ADGRA3: variants seen among roughly 807,000 people sequenced by gnomAD.
ADGRA3 encodes the protein adhesion G protein-coupled receptor A3.
A neutral mutation model predicts 119.8 loss-of-function variants in ADGRA3; 56 were observed. The observed-to-expected ratio is 0.47, with a 90% confidence interval of 0.38 to 0.58. The LOEUF is 0.58. Among genes scored for constraint, ADGRA3 ranks in the 20% least tolerant of loss-of-function variants. The pLI is 0.00. For synonymous variants in ADGRA3, 607 were observed against 623.8 expected (o/e 0.97, Z 0.40); for missense variants, 1,516 against 1,649.0 (o/e 0.92, Z 1.40).
At chr4:22,406,313 A>T (rs554126449) in intron 14 of ADGRA3, among the ~76,000 whole-genome samples, 1 of 152,224 alleles carries the variant, frequency 6.6e-6, no homozygotes, top group South Asian at 2.1e-4. Context: ...CAATATACTG[A>T]TTTCCTTTCT....
At chr4:22,480,535 A>T (rs1371248809) in intron 1 of ADGRA3, among the ~76,000 whole-genome samples, 1 of 152,038 alleles carries the variant, frequency 6.6e-6, no homozygotes, top group Non-Finnish European at 1.5e-5. Context: ...AAACAAAAAA[A>T]ATCAAAACAA....
At chr4:22,483,228 C>G (rs1306881877) in intron 1 of ADGRA3, among the ~76,000 whole-genome samples, 4 of 152,166 alleles carry the variant, frequency 2.6e-5, no homozygotes, top group Admixed American at 6.5e-5. Context: ...ACATCTTTAA[C>G]TCCTAGCTCC....
intron 1 of ADGRA3, among the ~76,000 whole-genome samples, chr4:22,489,338 T>A (rs2109146129): frequency 6.6e-6 from 1 of 152,228 alleles, no homozygotes; most frequent in South Asian, 2.1e-4. Flanking sequence ...AAAGATGAGA[T>A]TTCGGTGGGA....
rs2109091909 is a variant in ADGRA3 at position 22,454,765 on chromosome 4, T to C, written c.473+101A>G. ...TGTCCCCTATGGCTTCTATAACCCC[T>C]ACAGTTGCTACTTATAATTAAATAC... On this transcript the variant is annotated intron_variant, in intron 4 of 18. Coordinates refer to ENST00000334304, the MANE Select transcript of ADGRA3 (RefSeq NM_145290.4). 3 of 847,330 alleles carry C rather than the reference T, an allele frequency of 3.5e-6. No homozygotes were observed. In the East Asian group the frequency reaches 7.8e-5, roughly 22 times the overall value. 52.5% of individuals were successfully genotyped at this position (847,330 alleles called of 1,614,324 possible).
At chr4:22,407,595 G>GT (rs1343003447) in intron 14 of ADGRA3, among the ~76,000 whole-genome samples, 1 of 152,118 alleles carries the variant, frequency 6.6e-6, no homozygotes, top group African/African-American at 2.4e-5. Flanking sequence ...AGTAATCTTA[G>GT]TTCCTCTTCT....
chr4:22,498,838 C>T (rs966966364), intron 1 of ADGRA3, among the ~76,000 whole-genome samples: 11 of 151,824 alleles, frequency 7.2e-5, no homozygotes, highest in African/African-American at 1.9e-4. Context: ...TGCTTGAACC[C>T]GGCAGGTAGA....
At chr4:22,510,227 C>T (rs2109187423) in intron 1 of ADGRA3, among the ~76,000 whole-genome samples, 1 of 152,162 alleles carries the variant, frequency 6.6e-6, no homozygotes, top group East Asian at 1.9e-4. Context: ...TGCTCCCATC[C>T]CACTTCTCTT....
chr4:22,467,059 C>A (rs1717684627), intron 2 of ADGRA3, among the ~76,000 whole-genome samples: 1 of 152,164 alleles, frequency 6.6e-6, no homozygotes, highest in Admixed American at 6.5e-5. Context: ...ATTTCCATTT[C>A]TCCATAAAAG....
intron 7 of ADGRA3, among the ~76,000 whole-genome samples, 179 bp from the exon 8 acceptor site, chr4:22,438,599 C>CA (rs370164098): frequency 6.6e-6 from 1 of 151,608 alleles, no homozygotes; most frequent in African/African-American, 2.4e-5. Context: ...AATCTCAAGG[C>CA]AAAAAAGGAA....
chr4:22,389,496 TCTTA>T (rs1714018425), intron 17 of ADGRA3, among the ~76,000 whole-genome samples: 2 of 150,094 alleles, frequency 1.3e-5, no homozygotes, highest in Admixed American at 6.6e-5. Flanking sequence ...GCTTACTTAC[TCTTA>T]CTTTTTTTTT....
At chr4:22,390,151 T>A (rs973403254) in intron 17 of ADGRA3, among the ~76,000 whole-genome samples, 2 of 151,790 alleles carry the variant, frequency 1.3e-5, no homozygotes, top group African/African-American at 4.8e-5. Flanking sequence ...CTAATTCACA[T>A]CTGCTTCTTA....
At chr4:22,506,275 G>A (rs13135791) in intron 1 of ADGRA3, among the ~76,000 whole-genome samples, 65,795 of 152,010 alleles carry the variant, frequency 0.43, 15,270 homozygotes, top group East Asian at 0.61. Flanking sequence ...AAATAAGGCC[G>A]GGCACAGTGG....
intron 10 of ADGRA3, among the ~76,000 whole-genome samples, chr4:22,434,624 A>G (rs1425678985): frequency 6.6e-6 from 1 of 152,240 alleles, no homozygotes; most frequent in Non-Finnish European, 1.5e-5. Flanking sequence ...GTTCTCACGA[A>G]GCTTTAAACG....
At chr4:22,411,817 T>C (rs1258775547) in intron 14 of ADGRA3, among the ~76,000 whole-genome samples, 1 of 152,138 alleles carries the variant, frequency 6.6e-6, no homozygotes, top group African/African-American at 2.4e-5. Flanking sequence ...TGTTTAAATA[T>C]GTTGCTTGCA....
chr4:22,486,242 AG>A, intron 1 of ADGRA3, among the ~76,000 whole-genome samples: 1 of 152,136 alleles, frequency 6.6e-6, no homozygotes, highest in Non-Finnish European at 1.5e-5. Context: ...AAAGGAAAGG[AG>A]AAAAAGTAAA....
intron 7 of ADGRA3, among the ~76,000 whole-genome samples, chr4:22,439,629 T>A (rs1307892446): frequency 6.6e-6 from 1 of 152,196 alleles, no homozygotes; most frequent in East Asian, 1.9e-4. Context: ...AAAGAAAATG[T>A]TGTCTTTACT....
intron 16 of ADGRA3, chr4:22,394,966 T>C (rs1037370289): frequency 8.5e-5 from 13 of 152,200 alleles, no homozygotes; most frequent in Admixed American, 2.6e-4. Flanking sequence ...TTTAATCTTT[T>C]GGAATGTAGT....
In ADGRA3 at chr4:22,420,967, C is replaced by T; in HGVS notation, c.1728G>A (p.Arg576=). 6.2e-7 allele frequency: 1 copy of T among 1,614,080 alleles called. No individual in the cohort carries two copies. The highest frequency in any genetic ancestry group is 8.5e-7 in the Non-Finnish European group (1 of 1,179,986). Residue 576 remains arginine, a synonymous_variant, in exon 12 of 19, where the codon AGG becomes AGA. Coordinates refer to ENST00000334304, the MANE Select transcript of ADGRA3 (RefSeq NM_145290.4). ...SDRTGLSDYG[R]RDPEGNLDKQ... ...TATCCAGGTTTCCCTCTGGATCCCG[C>T]CTCCCATAATCCGAAAGTCCTGTAC... is the stretch of plus-strand genomic sequence containing the variant.
At position 22,454,372 on chromosome 4, in the gene ADGRA3, A is replaced by G. The variant is rs368479307; in HGVS notation, c.473+494T>C. Among the ~76,000 whole-genome samples, 152 of 152,296 alleles carry G rather than the reference A, an allele frequency of 1.0e-3. 1 individual carries two copies. The highest frequency in any genetic ancestry group is 1.7e-3 in the Non-Finnish European group (113 of 68,030). On this transcript the variant is annotated intron_variant, in intron 4 of 18. Transcript: ENST00000334304. Reference sequence around the variant, plus strand: ...AGTCAAACAATTCACCCCAGATCACATGGTCAGAGGCACAATTCAAATGTT... The same window carrying G: ...AGTCAAACAATTCACCCCAGATCACGTGGTCAGAGGCACAATTCAAATGTT...
Sources: gnomAD v4.1 joint callset for allele counts (sites outside exome capture counted in the v4.1 genomes callset) on GRCh38, gnomAD v4.1.1 for gene constraint, MANE v1.5 for transcripts, NCBI Gene and HGNC (gene_info 2026-07-23, HGNC 2026-07-21) for gene names.